NSD3: variants seen among roughly 807,000 people sequenced by gnomAD.
The protein encoded by NSD3 is histone-lysine N-methyltransferase NSD3.
Under a neutral mutation model 160.8 loss-of-function variants are expected in NSD3, and 24 were observed. That is an observed-to-expected ratio of 0.15 (90% confidence interval 0.11 to 0.21). NSD3 has a LOEUF of 0.21. Among genes scored for constraint, NSD3 ranks in the 10% least tolerant of loss-of-function variants. The pLI is 1.00. For synonymous variants in NSD3, 520 were observed against 600.0 expected, an observed-to-expected ratio of 0.87 and a Z score of 1.95; for missense variants, 1,157 against 1,735.9, an observed-to-expected ratio of 0.67 and a Z score of 5.93.
At position 38,290,503 on chromosome 8, in the gene NSD3, C is replaced by T. The variant is rs765824657; in HGVS notation, c.3090G>A (p.Gln1030=). Reference sequence around the variant, plus strand: ...TTTTGAAGGTCTTGTTAATACTAGTCTGCCCTTCAGCAAAGCTTTTGTCTC... The same window carrying T: ...TTTTGAAGGTCTTGTTAATACTAGTTTGCCCTTCAGCAAAGCTTTTGTCTC... ...VEGDKSFAEG[Q]TSINKTFKKA... The change falls in exon 17 of 24, where the codon CAG becomes CAA. Residue 1030 remains glutamine (Q), a synonymous_variant. Coordinates refer to ENST00000317025, the MANE Select transcript of NSD3 (RefSeq NM_023034.2). 3 of 1,614,120 alleles carry T rather than the reference C, an allele frequency of 1.9e-6. No individual in the cohort carries two copies. Among genetic ancestry groups the T allele is most frequent in the Non-Finnish European group, 2.5e-6 (3 of 1,180,020 alleles).
chr8:38,378,904 G>A (rs577036073), intron 1 of NSD3, among the ~76,000 whole-genome samples: 2 of 151,870 alleles, frequency 1.3e-5, no homozygotes, highest in Admixed American at 1.3e-4. Context: ...GAGACACTCA[G>A]CATAGCACAG....
chr8:38,332,853 C>T (rs761219621), intron 4 of NSD3, among the ~76,000 whole-genome samples: 3 of 151,866 alleles, frequency 2.0e-5, no homozygotes, highest in Non-Finnish European at 4.4e-5. Context: ...CTGAAAAATA[C>T]TGTTCTAGAG....
intron 6 of NSD3, among the ~76,000 whole-genome samples, chr8:38,327,307 TG>T (rs1474219318): frequency 2.0e-5 from 3 of 152,096 alleles, no homozygotes; most frequent in African/African-American, 7.2e-5. Context: ...CTGCTCACCT[TG>T]GCCTCCCAAA....
intron 16 of NSD3, 135 bp from the exon 17 acceptor site, chr8:38,290,812 ACAT>A (rs1312956115): frequency 2.7e-6 from 2 of 731,632 alleles, no homozygotes; most frequent in African/African-American, 3.6e-5. Flanking sequence ...AAAATACCAC[ACAT>A]CATTATAAAA....
At chr8:38,375,192 T>C (rs1811358768) in intron 1 of NSD3, among the ~76,000 whole-genome samples, 1 of 152,192 alleles carries the variant, frequency 6.6e-6, no homozygotes. Flanking sequence ...AGTATGAATA[T>C]TAACAATTTT....
chr8:38,328,357 A>C (rs949869310), intron 6 of NSD3, among the ~76,000 whole-genome samples: 3 of 152,212 alleles, frequency 2.0e-5, no homozygotes, highest in African/African-American at 7.2e-5. Flanking sequence ...GAATAAAGCC[A>C]ATTTGTACTC....
intron 19 of NSD3, among the ~76,000 whole-genome samples, chr8:38,286,378 C>T (rs1436144635): frequency 6.6e-6 from 1 of 152,066 alleles, no homozygotes; most frequent in Admixed American, 6.6e-5. Flanking sequence ...GGAGTTCTGC[C>T]AACAACTGTG....
intron 16 of NSD3, among the ~76,000 whole-genome samples, chr8:38,293,152 A>G (rs1311519454): frequency 6.6e-6 from 1 of 151,206 alleles, no homozygotes; most frequent in African/African-American, 2.4e-5. Context: ...AAAAAAAAAA[A>G]GAAAAAGAAA....
chr8:38,287,177 C>T (rs966341967), intron 19 of NSD3, among the ~76,000 whole-genome samples: 1 of 152,062 alleles, frequency 6.6e-6, no homozygotes, highest in Admixed American at 6.5e-5. Context: ...GGTGGATGAC[C>T]AAGAACATTC....
At chr8:38,284,850 T>G (rs1808821987) in intron 19 of NSD3, among the ~76,000 whole-genome samples, 1 of 152,254 alleles carries the variant, frequency 6.6e-6, no homozygotes, top group African/African-American at 2.4e-5. Flanking sequence ...TTATACTTGT[T>G]AGTCTATGAA....
chr8:38,279,140 C>T (rs1352205433), intron 21 of NSD3, among the ~76,000 whole-genome samples: 1 of 152,170 alleles, frequency 6.6e-6, no homozygotes, highest in Non-Finnish European at 1.5e-5. Flanking sequence ...CAAAAGATCC[C>T]AGCAACTAAG....
Position 38,347,968 on chromosome 8 carries a change from T to A in NSD3, c.204A>T (p.Pro68=). Residue 68 remains proline, a synonymous_variant, in exon 2 of 24, where the codon CCA becomes CCT. Transcript: ENST00000317025. ...TTGATGATGGATACCCATTTGTGAG[T>A]GGAGGAAGATCTTCTGTTGTAGCTG... The part of the protein sequence containing the change: ...QYPATTEDLP[P]LTNGYPSSIS... 6.2e-7 allele frequency: 1 copy of A among 1,614,168 alleles called. No individual in the cohort carries two copies. Among genetic ancestry groups the A allele is most frequent in the Non-Finnish European group, 8.5e-7 (1 of 1,180,024 alleles).
chr8:38,371,539 G>A (rs1225834327), intron 1 of NSD3, among the ~76,000 whole-genome samples: 1 of 152,162 alleles, frequency 6.6e-6, no homozygotes, highest in Non-Finnish European at 1.5e-5. Context: ...TATCGCCCAT[G>A]CAGGGGAAAA....
intron 1 of NSD3, among the ~76,000 whole-genome samples, chr8:38,370,444 A>G (rs1446150556): frequency 1.4e-5 from 2 of 146,266 alleles, no homozygotes; most frequent in East Asian, 4.0e-4. Flanking sequence ...GAATAATTTT[A>G]TAATTCAAAA....
intron 2 of NSD3, among the ~76,000 whole-genome samples, chr8:38,346,179 T>C (rs1810519045): frequency 6.8e-6 from 1 of 147,936 alleles, no homozygotes; most frequent in African/African-American, 2.4e-5. Flanking sequence ...TATATATGTA[T>C]ATATACATAT....
intron 6 of NSD3, among the ~76,000 whole-genome samples, 197 bp from the exon 7 acceptor site, chr8:38,327,053 A>T (rs1306759454): frequency 2.1e-5 from 3 of 145,784 alleles, no homozygotes; most frequent in African/African-American, 7.5e-5. Flanking sequence ...ATTAAAAACA[A>T]TTTTTTTTTT....
intron 1 of NSD3, among the ~76,000 whole-genome samples, chr8:38,352,352 C>G (rs569809799): frequency 6.6e-6 from 1 of 151,666 alleles, no homozygotes; most frequent in Non-Finnish European, 1.5e-5. Flanking sequence ...GTATGTATTG[C>G]TTTACATTGG....
chr8:38,345,658 C>T (rs1396779833), intron 2 of NSD3, among the ~76,000 whole-genome samples: 1 of 152,030 alleles, frequency 6.6e-6, no homozygotes, highest in Non-Finnish European at 1.5e-5. Flanking sequence ...CGCCTGTAAT[C>T]CCGGCACTTT....
Position 38,275,484 on chromosome 8 carries a change from A to T in NSD3, c.*157T>A, listed in dbSNP as rs1808576371. ...CCAAATCAAACAAAAACCAGACACCACCAACTGCTTCTGCCTGCATGAACT... is the reference window on the plus strand; with the variant it reads ...CCAAATCAAACAAAAACCAGACACCTCCAACTGCTTCTGCCTGCATGAACT... On this transcript the variant is annotated 3_prime_UTR_variant, in exon 24 of 24. Coordinates refer to ENST00000317025, the MANE Select transcript of NSD3 (RefSeq NM_023034.2). The T allele has an allele frequency of 4.5e-6, 3 of 672,978 alleles. No homozygotes were observed. The highest frequency in any genetic ancestry group is 7.4e-6 in the Non-Finnish European group (3 of 405,832). 41.7% of individuals were successfully genotyped at this position (672,978 alleles called of 1,614,324 possible). A position where few individuals can be genotyped will look rare whatever the true frequency, so the allele number is the denominator to read the frequency against.
Sources: gnomAD v4.1 joint callset for allele counts (sites outside exome capture counted in the v4.1 genomes callset) on GRCh38, gnomAD v4.1.1 for gene constraint, MANE v1.5 for transcripts, NCBI Gene and HGNC (gene_info 2026-07-23, HGNC 2026-07-21) for gene names.